SIPA1L1: variants seen among roughly 807,000 people sequenced by gnomAD.
SIPA1L1 encodes the protein signal-induced proliferation-associated 1-like protein 1.
In SIPA1L1, 26 loss-of-function variants were observed where a neutral mutation model predicts 162.7. The ratio of observed to expected loss-of-function variants is 0.16; its 90% CI spans 0.12 to 0.22. The LOEUF is 0.22. Ranked by LOEUF, SIPA1L1 falls within the 10% of genes least tolerant of loss-of-function variation. SIPA1L1 has a pLI of 1.00. For synonymous variants in SIPA1L1, 829 were observed against 837.4 expected (o/e 0.99, Z 0.17); for missense variants, 1,874 against 2,241.0 (o/e 0.84, Z 3.31).
intron 3 of SIPA1L1, among the ~76,000 whole-genome samples, chr14:71,526,032 CA>C (rs2145119420): frequency 6.6e-6 from 1 of 152,300 alleles, no homozygotes; most frequent in African/African-American, 2.4e-5. Context: ...GCAATGCAGA[CA>C]TCACACTGTA....
chr14:71,705,328 CA>C lies in SIPA1L1; in HGVS notation c.3756del (p.Lys1252AsnfsTer97). Reference protein sequence around the residue: ...QDPVVHLSPNKQGHSDSHYSS... With the variant: ...QDPVVHLSPNXQGHSDSHYSS... The stretch of plus-strand genomic sequence containing the variant: ...ATCCAGTGGTTCATTTGTCTCCAAA[CA>C]AACAAGGGCATGTAAGTTAACTGTA... On this transcript the variant is annotated frameshift_variant, in exon 16 of 24. Coordinates refer to ENST00000381232, the MANE Select transcript of SIPA1L1 (RefSeq NM_001386936.1). LOFTEE classifies it high-confidence loss of function. 1 of 1,611,220 alleles carries C rather than the reference CA, an allele frequency of 6.2e-7. No homozygotes were observed. The highest frequency in any genetic ancestry group is 8.5e-7 in the Non-Finnish European group (1 of 1,177,358).
Position 71,354,906 on chromosome 14 carries a change from C to G in SIPA1L1, c.-465+33725C>G, listed in dbSNP as rs74590918. On this transcript the variant is annotated intron_variant, in intron 2 of 23. Coordinates refer to ENST00000381232, the MANE Select transcript of SIPA1L1 (RefSeq NM_001386936.1). Reference sequence around the variant, plus strand: ...AGGGAGCAGGAGGCAAGGTGAGGTACTGCGATGACAAAGGGAGAGCTTGCT... The same window carrying G: ...AGGGAGCAGGAGGCAAGGTGAGGTAGTGCGATGACAAAGGGAGAGCTTGCT... Among the ~76,000 whole-genome samples, 544 of 152,262 alleles carry G rather than the reference C, an allele frequency of 3.6e-3. 3 individuals are homozygous for G. Among genetic ancestry groups the G allele is most frequent in the African/African-American group, 0.012 (519 of 41,536 alleles).
At chr14:71,637,350 A>G (rs897512610) in intron 7 of SIPA1L1, among the ~76,000 whole-genome samples, 2 of 152,298 alleles carry the variant, frequency 1.3e-5, no homozygotes, top group Non-Finnish European at 1.5e-5. Context: ...TACATTGTAC[A>G]TTCACTTAAC....
chr14:71,623,588 C>T (rs1277059681), intron 6 of SIPA1L1, among the ~76,000 whole-genome samples: 1 of 152,148 alleles, frequency 6.6e-6, no homozygotes, highest in Admixed American at 6.5e-5. Flanking sequence ...GCTTGTCAGC[C>T]ATGCCTTATG....
chr14:71,603,509 A>G (rs552235116), intron 5 of SIPA1L1, among the ~76,000 whole-genome samples: 1 of 152,070 alleles, frequency 6.6e-6, no homozygotes, highest in East Asian at 1.9e-4. Context: ...TTTAGGCCAG[A>G]GTACAGTGGT....
At chr14:71,431,048 G>A (rs771622163) in intron 2 of SIPA1L1, among the ~76,000 whole-genome samples, 2 of 152,066 alleles carry the variant, frequency 1.3e-5, no homozygotes, top group African/African-American at 2.4e-5. Context: ...TGTTAGCAGC[G>A]CAGTGTTATT....
chr14:71,495,470 T>C (rs2049667754), intron 2 of SIPA1L1, among the ~76,000 whole-genome samples: 1 of 151,584 alleles, frequency 6.6e-6, no homozygotes, highest in Non-Finnish European at 1.5e-5. Flanking sequence ...GGGTCAATAG[T>C]GATGCTCCCT....
chr14:71,462,900 T>C (rs1176639956), intron 2 of SIPA1L1, among the ~76,000 whole-genome samples: 1 of 152,234 alleles, frequency 6.6e-6, no homozygotes, highest in African/African-American at 2.4e-5. Context: ...TTGCTTCAGA[T>C]GGGCCATATG....
chr14:71,689,653 T>TAA (rs1319137034), intron 13 of SIPA1L1, among the ~76,000 whole-genome samples: 1 of 152,192 alleles, frequency 6.6e-6, no homozygotes, highest in Admixed American at 6.5e-5. Context: ...CTTTTCTCCT[T>TAA]TTTTTAGGCT....
rs563298713 is a variant in SIPA1L1 at position 71,559,129 on chromosome 14, G to A, written c.-302-28442G>A. The stretch of plus-strand genomic sequence containing the variant: ...ATCTCCCAGGCTGGAGTGCAGTGGC[G>A]CTATCTCAGCTCATTGCAACCTCCG... On this transcript the variant is annotated intron_variant, in intron 4 of 23. Transcript: ENST00000381232. Among the ~76,000 whole-genome samples, 397 of 150,156 alleles carry A rather than the reference G, an allele frequency of 2.6e-3. 2 individuals are homozygous for A. The highest frequency in any genetic ancestry group is 4.6e-3 in the Non-Finnish European group (313 of 67,798).
intron 7 of SIPA1L1, among the ~76,000 whole-genome samples, chr14:71,630,637 C>T (rs573285239): frequency 6.6e-6 from 1 of 152,216 alleles, no homozygotes; most frequent in African/African-American, 2.4e-5. Context: ...CTAAACTAGG[C>T]AATAGTTTCA....
At chr14:71,464,173 A>C (rs1280266631) in intron 2 of SIPA1L1, among the ~76,000 whole-genome samples, 2 of 152,166 alleles carry the variant, frequency 1.3e-5, no homozygotes, top group African/African-American at 4.8e-5. Context: ...TAAAGGGACT[A>C]ATCCACTCCA....
intron 2 of SIPA1L1, among the ~76,000 whole-genome samples, chr14:71,473,850 A>G (rs2047653267): frequency 6.6e-6 from 1 of 152,224 alleles, no homozygotes; most frequent in Non-Finnish European, 1.5e-5. Context: ...CAGGAAGAAA[A>G]TATTAGAGCT....
At chr14:71,642,919 G>T (rs375897955) in intron 7 of SIPA1L1, among the ~76,000 whole-genome samples, 1 of 147,566 alleles carries the variant, frequency 6.8e-6, no homozygotes, top group East Asian at 2.0e-4. Context: ...AGACATTGTC[G>T]AAGAAAGGAT....
At position 71,496,290 on chromosome 14, in the gene SIPA1L1, G is replaced by A. The variant is rs544802495; in HGVS notation, c.-464-16453G>A. Among the ~76,000 whole-genome samples the A allele has an allele frequency of 7.2e-5, 11 of 152,142 alleles. No individual in the cohort carries two copies. The South Asian group carries it at 2.1e-3, about 29-fold the overall frequency. On this transcript the variant is annotated intron_variant, in intron 2 of 23. Coordinates refer to ENST00000381232, the MANE Select transcript of SIPA1L1 (RefSeq NM_001386936.1). The stretch of plus-strand genomic sequence containing the variant: ...TCAAGGCCAGTCTGGGCAACATAGC[G>A]AGGCTCCATGTCTAAAAATAAAAAT...
At chr14:71,654,056 T>G (rs550537575) in intron 8 of SIPA1L1, among the ~76,000 whole-genome samples, 19 of 152,348 alleles carry the variant, frequency 1.2e-4, no homozygotes, top group African/African-American at 4.6e-4. Context: ...ATAGCTCTAC[T>G]TCATGCATTA....
intron 2 of SIPA1L1, chr14:71,448,824 T>TG (rs1341310682): frequency 6.6e-6 from 1 of 152,166 alleles, no homozygotes; most frequent in Non-Finnish European, 1.5e-5. Context: ...TTCCTGGGAG[T>TG]GGGGGACCAC....
rs187737427 is a variant in SIPA1L1, at chr14:71,362,142, G to A, written c.-465+40961G>A. Among the ~76,000 whole-genome samples the A allele has an allele frequency of 2.6e-5, 4 of 152,354 alleles. No individual in the cohort carries two copies. In the East Asian group the frequency reaches 7.7e-4, roughly 29 times the overall value. ...TGCTGTGTTCAAGGAGCCGGCATGT[G>A]TGTTGCCACTGGAGTTTCGTACTTG... On this transcript the variant is annotated intron_variant, in intron 2 of 23. Transcript: ENST00000381232.
chr14:71,352,254 T>C (rs1318640345), intron 2 of SIPA1L1, among the ~76,000 whole-genome samples: 3 of 152,116 alleles, frequency 2.0e-5, no homozygotes, highest in Non-Finnish European at 4.4e-5. Flanking sequence ...TGATCATGGC[T>C]CACTGCAGCC....
Sources: allele counts gnomAD v4.1 joint callset (sites outside exome capture counted in the v4.1 genomes callset), GRCh38; gene constraint gnomAD v4.1.1; transcripts MANE v1.5; gene names NCBI Gene and HGNC (gene_info 2026-07-23, HGNC 2026-07-21).